The following GABRA4 variants were observed in gnomAD, a reference collection of about 807,000 sequenced individuals.
GABRA4 encodes gamma-aminobutyric acid receptor subunit alpha-4.
In GABRA4, 12 loss-of-function variants were observed where a neutral mutation model predicts 49.7. That is an observed-to-expected ratio of 0.24 (90% confidence interval 0.15 to 0.39). The LOEUF is 0.39. Ranked by LOEUF, GABRA4 falls within the 10% of genes least tolerant of loss-of-function variation. The pLI, the probability that GABRA4 is intolerant of heterozygous loss-of-function variation, is 1.00. For synonymous variants in GABRA4, 288 were observed against 240.2 expected (o/e 1.20, Z -1.84); for missense variants, 506 against 686.0 (o/e 0.74, Z 2.93).
chr4:46,930,667 T>C (rs1365690837), intron 8 of GABRA4, among the ~76,000 whole-genome samples: 1 of 151,286 alleles, frequency 6.6e-6, no homozygotes, highest in East Asian at 2.0e-4. Context: ...GATAGTTGCA[T>C]ACCATCTTCT....
chr4:46,992,338 G>A (rs1461741520), intron 2 of GABRA4, among the ~76,000 whole-genome samples: 1 of 152,194 alleles, frequency 6.6e-6, no homozygotes, highest in East Asian at 1.9e-4. Context: ...GAAAGGACTG[G>A]GTTCTCTAGC....
At chr4:46,970,020 C>T (rs543879066) in intron 7 of GABRA4, among the ~76,000 whole-genome samples, 196 of 151,210 alleles carry the variant, frequency 1.3e-3, no homozygotes, top group Non-Finnish European at 2.2e-3. Flanking sequence ...TTTTTTAATG[C>T]ATCCTCATAC....
At chr4:46,965,355 GA>G in intron 7 of GABRA4, 126 bp from the exon 8 acceptor site, 1 of 712,690 alleles carries the variant, frequency 1.4e-6, no homozygotes, top group Non-Finnish European at 2.1e-6. Context: ...ATAACTCAAA[GA>G]AAACCATCTT....
At chr4:46,973,741 C>T (rs935798098) in intron 6 of GABRA4, among the ~76,000 whole-genome samples, 1 of 151,600 alleles carries the variant, frequency 6.6e-6, no homozygotes, top group Admixed American at 6.6e-5. Context: ...ATAAACATCC[C>T]CCCTACTCAT....
intron 8 of GABRA4, among the ~76,000 whole-genome samples, chr4:46,946,931 G>C (rs1722001864): frequency 6.6e-6 from 1 of 152,034 alleles, no homozygotes; most frequent in South Asian, 2.1e-4. Context: ...ATGCCATTTT[G>C]AGTTCTAGTT....
rs1721272758 is a variant in GABRA4, at chr4:46,927,630, T to C, written c.*595A>G. On this transcript the variant is annotated 3_prime_UTR_variant, in exon 9 of 9. Transcript: ENST00000264318. ...TTCAAGTCAACTGTTAAGTACTGTT[T>C]AGCCAACATAAGAAAGGGAAGATAT... 1 of 152,662 alleles carries C rather than the reference T, an allele frequency of 6.6e-6. No homozygotes were observed. Among genetic ancestry groups the C allele is most frequent in the African/African-American group, 2.4e-5 (1 of 41,458 alleles). The allele number at this position is 152,662 out of a possible 1,614,324, so 9.5% of individuals were successfully genotyped here.
intron 8 of GABRA4, among the ~76,000 whole-genome samples, chr4:46,938,264 A>G (rs569434171): frequency 6.6e-6 from 1 of 152,238 alleles, no homozygotes; most frequent in South Asian, 2.1e-4. Flanking sequence ...ATATTTGCAC[A>G]ATGCTTTATT....
intron 2 of GABRA4, among the ~76,000 whole-genome samples, chr4:46,992,479 G>T (rs1034527519): frequency 6.6e-6 from 1 of 152,280 alleles, no homozygotes; most frequent in Admixed American, 6.5e-5. Context: ...TGCTCTGAGC[G>T]AAGTGGCCAG....
chr4:46,963,276 T>C (rs1187924712), intron 8 of GABRA4, among the ~76,000 whole-genome samples: 1 of 151,768 alleles, frequency 6.6e-6, no homozygotes, highest in Non-Finnish European at 1.5e-5. Flanking sequence ...CAATCAAAAA[T>C]GGGCAAAAAT....
chr4:46,936,222 C>G (rs1721598197), intron 8 of GABRA4, among the ~76,000 whole-genome samples: 2 of 152,138 alleles, frequency 1.3e-5, no homozygotes, highest in South Asian at 4.1e-4. Flanking sequence ...ATCTTGTGTA[C>G]TATTCTATCA....
chr4:46,978,361 T>A (rs1425067902), intron 3 of GABRA4, among the ~76,000 whole-genome samples: 4 of 151,968 alleles, frequency 2.6e-5, no homozygotes, highest in African/African-American at 4.8e-5. Context: ...AAACTAATTA[T>A]CACCTCTAAT....
At chr4:46,960,628 A>T in intron 8 of GABRA4, among the ~76,000 whole-genome samples, 1 of 151,702 alleles carries the variant, frequency 6.6e-6, no homozygotes, top group African/African-American at 2.4e-5. Flanking sequence ...AATAATTCTT[A>T]GTTCACAGAT....
intron 8 of GABRA4, among the ~76,000 whole-genome samples, chr4:46,929,041 A>G (rs1721338859): frequency 6.6e-6 from 1 of 152,084 alleles, no homozygotes; most frequent in African/African-American, 2.4e-5. Flanking sequence ...TAGAACTACA[A>G]GCTGAGGTCA....
rs572754625 is a variant in GABRA4, at chr4:46,919,666, G to A, written c.*8559C>T. On this transcript the variant is annotated 3_prime_UTR_variant, in exon 9 of 9. Coordinates refer to ENST00000264318, the MANE Select transcript of GABRA4 (RefSeq NM_000809.4). ...CAAACAATTTTAAAATTATTCAAGA[G>A]AAGAAAGAAGGGAATGGACTTCATA... 3 of 151,532 alleles carry A rather than the reference G, an allele frequency of 2.0e-5. No individual in the cohort carries two copies. The highest frequency in any genetic ancestry group is 3.0e-5 in the Non-Finnish European group (2 of 67,582). 9.4% of individuals were successfully genotyped at this position (151,532 alleles called of 1,614,324 possible). A position where few individuals can be genotyped will look rare whatever the true frequency, so the allele number is the denominator to read the frequency against.
chr4:46,969,157 C>A (rs1051393806), intron 7 of GABRA4, among the ~76,000 whole-genome samples: 1 of 151,512 alleles, frequency 6.6e-6, no homozygotes. Context: ...AGAAGGTAGG[C>A]TTTCTGCCTC....
chr4:46,944,859 T>C (rs1251978684), intron 8 of GABRA4, among the ~76,000 whole-genome samples: 3 of 152,070 alleles, frequency 2.0e-5, no homozygotes, highest in South Asian at 2.1e-4. Flanking sequence ...CCCTCCAGAC[T>C]GTGAGTTTCT....
chr4:46,986,828 A>G (rs1358428567), intron 2 of GABRA4, among the ~76,000 whole-genome samples: 1 of 152,078 alleles, frequency 6.6e-6, no homozygotes, highest in Non-Finnish European at 1.5e-5. Flanking sequence ...AAACTTTGGA[A>G]TCAGCTTTGA....
At chr4:46,979,192 A>G in intron 2 of GABRA4, 94 bp from the exon 3 acceptor site, 1 of 732,736 alleles carries the variant, frequency 1.4e-6, no homozygotes, top group South Asian at 1.7e-5. Flanking sequence ...CAGATATGAT[A>G]TATCATGTTT....
At position 46,925,831 on chromosome 4, in the gene GABRA4, T is replaced by C. The variant is rs1218134209; in HGVS notation, c.*2394A>G. On this transcript the variant is annotated 3_prime_UTR_variant, in exon 9 of 9. Transcript: ENST00000264318. ...TAATGTTTAAGCTTTCTGGTTAATG[T>C]GTTCTTCAAATTAACAATTAAGAAT... 6.7e-6 allele frequency: 1 copy of C among 150,286 alleles called. No homozygotes were observed. The highest frequency in any genetic ancestry group is 6.6e-5 in the Admixed American group (1 of 15,046). The allele number at this position is 150,286 out of a possible 1,614,324, so 9.3% of individuals were successfully genotyped here.
Sources: allele counts gnomAD v4.1 joint callset (sites outside exome capture counted in the v4.1 genomes callset), GRCh38; gene constraint gnomAD v4.1.1; transcripts MANE v1.5; gene names NCBI Gene and HGNC (gene_info 2026-07-23, HGNC 2026-07-21).